The following SLC39A11 variants were observed in gnomAD, a reference collection of about 807,000 sequenced individuals.
SLC39A11 encodes solute carrier family 39 member 11.
In SLC39A11, 33 loss-of-function variants were observed where a neutral mutation model predicts 36.1. That is an observed-to-expected ratio of 0.91 (90% CI 0.69 to 1.22). The LOEUF (loss-of-function observed/expected upper bound fraction) is 1.22, where lower values mean the gene tolerates loss of function less well. Among genes scored for constraint, SLC39A11 ranks in the 50% most tolerant of loss-of-function variants. The pLI is 0.00. For synonymous variants in SLC39A11, 166 were observed against 170.3 expected (o/e 0.97, Z 0.20); for missense variants, 432 against 430.3 (o/e 1.00, Z -0.03).
At chr17:72,707,293 A>G (rs1006696732) in intron 7 of SLC39A11, among the ~76,000 whole-genome samples, 2 of 151,766 alleles carry the variant, frequency 1.3e-5, no homozygotes, top group African/African-American at 4.8e-5. Context: ...AATCCCAGCT[A>G]CTTTGGAGGC....
chr17:73,011,901 A>G (rs957894694), intron 4 of SLC39A11, among the ~76,000 whole-genome samples: 4 of 149,238 alleles, frequency 2.7e-5, no homozygotes. Flanking sequence ...ACCTCAGGTG[A>G]TCCACACGCC....
At chr17:72,764,420 C>A (rs2075693766) in intron 6 of SLC39A11, among the ~76,000 whole-genome samples, 1 of 152,148 alleles carries the variant, frequency 6.6e-6, no homozygotes, top group Non-Finnish European at 1.5e-5. Flanking sequence ...CCCTAATTTC[C>A]CTTGGTTCAT....
intron 6 of SLC39A11, chr17:72,838,939 C>T (rs2078689370): frequency 6.6e-6 from 1 of 152,184 alleles, no homozygotes; most frequent in Admixed American, 6.5e-5. Context: ...CCATTCCCTG[C>T]CATCCCCACT....
At chr17:72,935,964 A>C (rs146819438) in intron 5 of SLC39A11, among the ~76,000 whole-genome samples, 2,448 of 151,370 alleles carry the variant, frequency 0.016, 66 homozygotes, top group African/African-American at 0.055. Flanking sequence ...TGGGAGGCCA[A>C]GGCAGGGGGA....
In SLC39A11 at chr17:72,649,134, T is replaced by C. The variant is rs561528671; in HGVS notation, c.770+36A>G. On this transcript the variant is annotated intron_variant, in intron 8 of 9. Transcript: ENST00000255559. ...TGTTGAAAGAAGCCCACATGGAGGA[T>C]GCTGTGACATGGCCTTGCCCTTGGG... The C allele has an allele frequency of 3.1e-4, 497 of 1,593,880 alleles. 2 individuals carry two copies. The South Asian group carries it at 5.2e-3, about 17-fold the overall frequency.
intron 5 of SLC39A11, among the ~76,000 whole-genome samples, chr17:72,873,206 C>T (rs1350692632): frequency 3.3e-5 from 5 of 152,182 alleles, no homozygotes; most frequent in African/African-American, 1.2e-4. Flanking sequence ...TCAGACCTCA[C>T]GTTCTGATGG....
At chr17:72,866,960 T>C (rs751217576) in intron 5 of SLC39A11, among the ~76,000 whole-genome samples, 2 of 152,040 alleles carry the variant, frequency 1.3e-5, no homozygotes, top group South Asian at 4.1e-4. Context: ...CAAGAAGCAA[T>C]GGTGAGCAAA....
At chr17:72,699,508 G>A (rs1277517081) in intron 7 of SLC39A11, among the ~76,000 whole-genome samples, 1 of 152,174 alleles carries the variant, frequency 6.6e-6, no homozygotes, top group African/African-American at 2.4e-5. Context: ...TGGAGGGAGA[G>A]GAGCTTCAGG....
At chr17:72,660,001 G>A (rs564432023) in intron 7 of SLC39A11, among the ~76,000 whole-genome samples, 3 of 152,234 alleles carry the variant, frequency 2.0e-5, no homozygotes, top group Non-Finnish European at 4.4e-5. Flanking sequence ...GCCGGAGTGC[G>A]AAGTACCACC....
chr17:72,801,978 A>G (rs186929970), intron 6 of SLC39A11, among the ~76,000 whole-genome samples: 1 of 152,344 alleles, frequency 6.6e-6, no homozygotes, highest in Non-Finnish European at 1.5e-5. Context: ...ATACCGAGTC[A>G]TCTGTCAAAC....
At chr17:72,933,008 A>G (rs1191516680) in intron 5 of SLC39A11, among the ~76,000 whole-genome samples, 1 of 152,138 alleles carries the variant, frequency 6.6e-6, no homozygotes, top group Non-Finnish European at 1.5e-5. Context: ...ACACTCAATG[A>G]TTTTCCCCTA....
intron 9 of SLC39A11, 134 bp downstream of exon 9, chr17:72,648,669 G>A: frequency 1.8e-6 from 2 of 1,082,474 alleles, no homozygotes; most frequent in East Asian, 2.6e-5. Context: ...GAGGCAGTGG[G>A]GATGATCTTG....
intron 7 of SLC39A11, among the ~76,000 whole-genome samples, chr17:72,732,022 AT>A (rs1555651308): frequency 7.4e-5 from 3 of 40,594 alleles, no homozygotes; most frequent in Admixed American, 2.6e-4. Flanking sequence ...TCTTTTCTTT[AT>A]TTTTTTCTTT....
At chr17:72,722,078 A>AG (rs11399361) in intron 7 of SLC39A11, among the ~76,000 whole-genome samples, 2,449 of 105,784 alleles carry the variant, frequency 0.023, 56 homozygotes, top group African/African-American at 0.068. Flanking sequence ...AAGTAGCCAA[A>AG]GAAAAAAAAA....
At chr17:72,694,514 C>A (rs2072195516) in intron 7 of SLC39A11, among the ~76,000 whole-genome samples, 1 of 152,232 alleles carries the variant, frequency 6.6e-6, no homozygotes, top group Admixed American at 6.5e-5. Flanking sequence ...TGCAGGGCGG[C>A]TCTGTGGGGC....
intron 5 of SLC39A11, among the ~76,000 whole-genome samples, chr17:72,932,812 T>C (rs980417896): frequency 1.3e-5 from 2 of 152,194 alleles, no homozygotes; most frequent in African/African-American, 4.8e-5. Context: ...AACTCCAACA[T>C]CTAGCAGCCG....
At chr17:72,826,869 A>G (rs2078050598) in intron 6 of SLC39A11, among the ~76,000 whole-genome samples, 1 of 152,256 alleles carries the variant, frequency 6.6e-6, no homozygotes, top group Non-Finnish European at 1.5e-5. Context: ...GTGAAGATGT[A>G]GAGAAACGGA....
chr17:72,679,118 G>C (rs2071401301), intron 7 of SLC39A11, among the ~76,000 whole-genome samples: 1 of 152,094 alleles, frequency 6.6e-6, no homozygotes, highest in South Asian at 2.1e-4. Flanking sequence ...AGGCTGGGGA[G>C]GGAAGAGAGG....
chr17:72,838,923 T>G (rs1001439648), intron 6 of SLC39A11: 1 of 152,136 alleles, frequency 6.6e-6, no homozygotes, highest in Non-Finnish European at 1.5e-5. Context: ...ATGGCAGCAC[T>G]CTCCCCCATT....
Sources: allele counts gnomAD v4.1 joint callset (sites outside exome capture counted in the v4.1 genomes callset), GRCh38; gene constraint gnomAD v4.1.1; transcripts MANE v1.5; gene names NCBI Gene and HGNC (gene_info 2026-07-23, HGNC 2026-07-21).